The following TRMT11 variants were observed in gnomAD, a reference collection of about 807,000 sequenced individuals.
The protein encoded by TRMT11 is tRNA methyltransferase 11, also known as tRNA (guanine(10)-N(2))-methyltransferase TRMT11.
A neutral mutation model predicts 62.8 loss-of-function variants in TRMT11; 53 were observed. The ratio of observed to expected loss-of-function variants is 0.84; its 90% CI spans 0.68 to 1.06. The LOEUF (loss-of-function observed/expected upper bound fraction) is 1.06. Among genes scored for constraint, TRMT11 ranks in the 50% least tolerant of loss-of-function variants. The probability of loss-of-function intolerance (pLI) is 0.00; values close to 1 mark genes in which losing one functional copy is unlikely to be tolerated. For synonymous variants in TRMT11, 188 were observed against 190.3 expected (o/e 0.99, Z 0.10); for missense variants, 556 against 553.4 (o/e 1.00, Z -0.05).
At chr6:126,236,055 G>C in the TRMT11 span, among the ~76,000 whole-genome samples, 1 of 152,176 alleles carries the variant, frequency 6.6e-6, no homozygotes, top group Non-Finnish European at 1.5e-5. Context: ...CTTGTGACCT[G>C]GGTTAGGATT....
chr6:126,095,218 G>C, intron 17 of TRMT11, among the ~76,000 whole-genome samples: 1 of 152,170 alleles, frequency 6.6e-6, no homozygotes, highest in East Asian at 1.9e-4. Context: ...GATAAGAATG[G>C]TCTTTCTAAG....
intron 21 of TRMT11, among the ~76,000 whole-genome samples, chr6:126,130,275 G>A (rs368253440): frequency 1.1e-4 from 17 of 152,212 alleles, no homozygotes; most frequent in South Asian, 2.1e-4. Context: ...ACTGTTGCTC[G>A]ATGTGGTGCT....
intron 1 of TRMT11, among the ~76,000 whole-genome samples, chr6:126,190,189 C>T (rs891934417): frequency 6.6e-6 from 1 of 152,164 alleles, no homozygotes; most frequent in African/African-American, 2.4e-5. Context: ...ACTAGCTTCA[C>T]TTCATCTACC....
the TRMT11 span, chr6:126,257,992 CGGT>C: frequency 6.5e-7 from 1 of 1,546,634 alleles, no homozygotes; most frequent in South Asian, 1.1e-5. Flanking sequence ...ATGAAGGCCT[CGGT>C]GGGTTTGTAA....
intron 12 of TRMT11, among the ~76,000 whole-genome samples, chr6:126,035,686 A>G (rs868692506): frequency 6.6e-6 from 1 of 152,102 alleles, no homozygotes; most frequent in African/African-American, 2.4e-5. Context: ...TGAGAGGTCT[A>G]AACTATTACA....
intron 17 of TRMT11, among the ~76,000 whole-genome samples, chr6:126,082,784 G>A (rs921905639): frequency 6.6e-6 from 1 of 151,964 alleles, no homozygotes; most frequent in Non-Finnish European, 1.5e-5. Context: ...TTAATTCAAA[G>A]GTCATTGTTT....
At chr6:126,242,441 G>C in the TRMT11 span, among the ~76,000 whole-genome samples, 2 of 152,096 alleles carry the variant, frequency 1.3e-5, 1 homozygote, top group South Asian at 4.1e-4. Flanking sequence ...CTACTTTAAA[G>C]TTCATATGGT....
the TRMT11 span, among the ~76,000 whole-genome samples, chr6:126,230,190 A>G: frequency 6.6e-6 from 1 of 152,290 alleles, no homozygotes; most frequent in Admixed American, 6.5e-5. Context: ...AGGAGCACCT[A>G]ACCACTTGCA....
intron 21 of TRMT11, among the ~76,000 whole-genome samples, chr6:126,168,629 C>G (rs1778295357): frequency 6.6e-6 from 1 of 152,170 alleles, no homozygotes; most frequent in African/African-American, 2.4e-5. Flanking sequence ...AGCGATTCTC[C>G]TGCCTCAGCC....
intron 17 of TRMT11, among the ~76,000 whole-genome samples, chr6:126,067,978 T>C (rs943558631): frequency 2.6e-5 from 4 of 152,212 alleles, no homozygotes; most frequent in African/African-American, 9.6e-5. Context: ...TACAACTCTT[T>C]AGCATGTTAG....
intron 21 of TRMT11, among the ~76,000 whole-genome samples, chr6:126,160,385 T>TC (rs1403643454): frequency 2.6e-5 from 4 of 152,100 alleles, no homozygotes; most frequent in African/African-American, 9.7e-5. Context: ...TGCTATTGCT[T>TC]CTTTTTTTTT....
intron 1 of TRMT11, among the ~76,000 whole-genome samples, chr6:125,990,579 T>C (rs1790446472): frequency 6.6e-6 from 1 of 152,218 alleles, no homozygotes; most frequent in Admixed American, 6.5e-5. Flanking sequence ...TGGATGTTGG[T>C]TTGGTAATTT....
intron 11 of TRMT11, among the ~76,000 whole-genome samples, chr6:126,020,667 T>C (rs538319745): frequency 4.3e-4 from 66 of 152,370 alleles, no homozygotes; most frequent in African/African-American, 1.5e-3. Context: ...GTAATAGAGA[T>C]GTTTTTAAAT....
chr6:126,081,703 A>C (rs546754604), intron 17 of TRMT11, among the ~76,000 whole-genome samples: 131 of 152,196 alleles, frequency 8.6e-4, no homozygotes, highest in Non-Finnish European at 1.4e-3. Context: ...ACTCCCACCT[A>C]TTTACTGAGT....
chr6:126,105,313 C>A (rs887029303), intron 17 of TRMT11, among the ~76,000 whole-genome samples: 2 of 152,146 alleles, frequency 1.3e-5, no homozygotes, highest in Non-Finnish European at 2.9e-5. Flanking sequence ...TGGTATCATG[C>A]CTTTAAATTG....
At chr6:126,120,696 T>C (rs1162746227) in intron 21 of TRMT11, among the ~76,000 whole-genome samples, 1 of 152,138 alleles carries the variant, frequency 6.6e-6, no homozygotes, top group Non-Finnish European at 1.5e-5. Context: ...TATTGCCAAA[T>C]GTGAGACTAA....
chr6:126,259,001 A>T, the TRMT11 span, among the ~76,000 whole-genome samples: 1 of 151,928 alleles, frequency 6.6e-6, no homozygotes. Context: ...ATATGACGTG[A>T]TGTGTGTTGT....
rs1032753981 is a variant in TRMT11 at position 126,013,236 on chromosome 6, A to G, written c.1139+135A>G. ...TTGTAATAGCCTTTGTTTGCCTTCA[A>G]ATGTGTATAAAATAGTCTTTTTATT... is the stretch of plus-strand genomic sequence containing the variant. On this transcript the variant is annotated intron_variant, in intron 11 of 12. Transcript: ENST00000334379. 2.4e-5 allele frequency: 19 copies of G among 797,640 alleles called. No individual in the cohort carries two copies. The African/African-American group carries it at 3.0e-4, about 13-fold the overall frequency. 49.4% of individuals were successfully genotyped at this position (797,640 alleles called of 1,614,324 possible).
chr6:126,034,188 A>G (rs1031939735), intron 12 of TRMT11, among the ~76,000 whole-genome samples: 24 of 152,142 alleles, frequency 1.6e-4, no homozygotes, highest in Admixed American at 1.1e-3. Flanking sequence ...TTAGGCTACA[A>G]TTCTGGCAAT....
Sources: allele counts gnomAD v4.1 joint callset (sites outside exome capture counted in the v4.1 genomes callset), GRCh38; gene constraint gnomAD v4.1.1; transcripts MANE v1.5; gene names NCBI Gene and HGNC (gene_info 2026-07-23, HGNC 2026-07-21).